WIPF1: variants seen among roughly 807,000 people sequenced by gnomAD.
WIPF1 encodes the protein WAS/WASL interacting protein family member 1, also known as WAS/WASL-interacting protein family member 1.
In WIPF1, 13 loss-of-function variants were observed where a neutral mutation model predicts 35.4. The observed-to-expected ratio is 0.37, with a 90% CI of 0.24 to 0.58. WIPF1 has a LOEUF of 0.58. WIPF1 is among the 20% of genes least tolerant of loss of function. WIPF1 has a pLI of 0.74. For missense variants in WIPF1, 591 were observed against 667.0 expected (o/e 0.89, Z 1.25); for synonymous variants, 267 against 266.3 (o/e 1.00, Z -0.02).
At chr2:174,585,634 A>G in intron 1 of WIPF1, 23 bp from the exon 2 acceptor site, 2 of 1,491,136 alleles carry the variant, frequency 1.3e-6, no homozygotes, top group Non-Finnish European at 1.9e-6. Context: ...GAATGCGATC[A>G]TGTATTAGAT....
rs956023762 is a variant in WIPF1, at chr2:174,575,266, C to G, written c.296G>C (p.Gly99Ala). ...GGSFGGGGPPGLGGLFQAGMP... is the reference protein window; with the variant it reads ...GGSFGGGGPPALGGLFQAGMP... Reference sequence around the variant, plus strand: ...TCCAGCCTGGAACAATCCTCCCAGACCTGGAGGTCCGCCCCCTCCAAAACT... The same window carrying G: ...TCCAGCCTGGAACAATCCTCCCAGAGCTGGAGGTCCGCCCCCTCCAAAACT... The change falls in exon 4 of 8, where the codon GGT (glycine) becomes GCT (alanine). Residue 99 changes from glycine to alanine, a missense_variant. Coordinates refer to ENST00000679041, the MANE Select transcript of WIPF1 (RefSeq NM_001375834.1). 6.2e-7 allele frequency: 1 copy of G among 1,614,020 alleles called. No homozygotes were observed. The highest frequency in any genetic ancestry group is 8.5e-7 in the Non-Finnish European group (1 of 1,179,980).
chr2:174,657,472 G>A (rs964815884), intron 1 of WIPF1, among the ~76,000 whole-genome samples: 3 of 152,196 alleles, frequency 2.0e-5, no homozygotes, highest in African/African-American at 4.8e-5. Context: ...TCAGCTCCCA[G>A]GGTTTTCAAA....
intron 2 of WIPF1, among the ~76,000 whole-genome samples, chr2:174,584,051 C>T (rs138239740): frequency 0.012 from 1,783 of 152,296 alleles, 14 homozygotes; most frequent in Non-Finnish European, 0.018. Context: ...TGGTCTCGAA[C>T]TCCTGGGCTC....
intron 3 of WIPF1, 86 bp downstream of exon 3, chr2:174,581,224 A>G (rs1218453459): frequency 1.3e-6 from 2 of 1,521,778 alleles, no homozygotes; most frequent in Non-Finnish European, 1.8e-6. Flanking sequence ...AAAATAAAAT[A>G]AAATAAAAAT....
At chr2:174,608,493 T>A (rs1391465613) in intron 1 of WIPF1, among the ~76,000 whole-genome samples, 1 of 152,200 alleles carries the variant, frequency 6.6e-6, no homozygotes, top group Non-Finnish European at 1.5e-5. Flanking sequence ...GAAAGACCAT[T>A]CATGTTTTTT....
chr2:174,645,033 G>A (rs1285255921), intron 1 of WIPF1, among the ~76,000 whole-genome samples: 1 of 152,160 alleles, frequency 6.6e-6, no homozygotes, highest in African/African-American at 2.4e-5. Context: ...GCCTAGAGTA[G>A]AGGGGAAGGA....
At chr2:174,566,762 T>C (rs1320529372) in intron 7 of WIPF1, 1 of 260,624 alleles carries the variant, frequency 3.8e-6, no homozygotes, top group East Asian at 7.7e-5. Context: ...AAGATGGCTC[T>C]ACTTGTGCTG....
intron 1 of WIPF1, among the ~76,000 whole-genome samples, chr2:174,674,618 C>T (rs1688090343): frequency 6.6e-6 from 1 of 151,664 alleles, no homozygotes; most frequent in Admixed American, 6.6e-5. Flanking sequence ...TAAGAAATTA[C>T]AAAATTAAGC....
chr2:174,599,715 A>G (rs1685931597), upstream of WIPF1, among the ~76,000 whole-genome samples: 1 of 152,136 alleles, frequency 6.6e-6, no homozygotes, highest in African/African-American at 2.4e-5. Context: ...AACATGGGCG[A>G]TATGACAATT....
intron 1 of WIPF1, among the ~76,000 whole-genome samples, chr2:174,629,285 T>C (rs778397213): frequency 1.3e-5 from 2 of 152,190 alleles, no homozygotes; most frequent in Non-Finnish European, 2.9e-5. Context: ...ATAAAAAACA[T>C]TGTTATTTTC....
intron 7 of WIPF1, chr2:174,566,681 C>T (rs10439297): frequency 0.26 from 43,298 of 166,724 alleles, 6,352 homozygotes; most frequent in Non-Finnish European, 0.33. Context: ...TTTAAAAGAT[C>T]AAGGCAGTTA....
At chr2:174,621,982 C>T (rs976622533) in intron 1 of WIPF1, among the ~76,000 whole-genome samples, 1 of 152,166 alleles carries the variant, frequency 6.6e-6, no homozygotes, top group African/African-American at 2.4e-5. Context: ...GCCCGCTGGG[C>T]CCTCCAAATC....
chr2:174,608,970 C>T (rs1356095785), intron 1 of WIPF1, among the ~76,000 whole-genome samples: 2 of 152,214 alleles, frequency 1.3e-5, no homozygotes, highest in Non-Finnish European at 2.9e-5. Flanking sequence ...CACCACCCAT[C>T]TGAACACTGT....
At chr2:174,680,050 A>G (rs1559181270) in intron 1 of WIPF1, among the ~76,000 whole-genome samples, 1 of 152,260 alleles carries the variant, frequency 6.6e-6, no homozygotes, top group Non-Finnish European at 1.5e-5. Context: ...GCCTCCATCC[A>G]GCTGGACTCC....
chr2:174,605,210 G>A (rs931943581), intron 1 of WIPF1, among the ~76,000 whole-genome samples: 6 of 152,140 alleles, frequency 3.9e-5, no homozygotes, highest in African/African-American at 9.7e-5. Context: ...AGAGGCAGGC[G>A]GATCACAATA....
intron 1 of WIPF1, among the ~76,000 whole-genome samples, chr2:174,668,332 C>G (rs574013552): frequency 6.6e-6 from 1 of 152,278 alleles, no homozygotes; most frequent in East Asian, 1.9e-4. Flanking sequence ...CTGCGAAACG[C>G]AAGGTTGGGC....
intron 7 of WIPF1, chr2:174,566,661 TTACAA>T (rs1286519623): frequency 6.2e-6 from 1 of 160,986 alleles, no homozygotes; most frequent in East Asian, 1.8e-4. Context: ...AAAGCTATGA[TTACAA>T]TACGTTTAAA....
chr2:174,569,195 T>C (rs1374995160), intron 5 of WIPF1, among the ~76,000 whole-genome samples: 1 of 152,170 alleles, frequency 6.6e-6, no homozygotes, highest in Non-Finnish European at 1.5e-5. Flanking sequence ...AGAATCCAAT[T>C]AGGAACCTTA....
intron 1 of WIPF1, among the ~76,000 whole-genome samples, chr2:174,606,941 G>C (rs1349221998): frequency 1.3e-5 from 2 of 152,160 alleles, no homozygotes; most frequent in African/African-American, 4.8e-5. Context: ...AAGGTCGAGG[G>C]GCCACATCTG....
Sources: gnomAD v4.1 joint callset for allele counts (sites outside exome capture counted in the v4.1 genomes callset) on GRCh38, gnomAD v4.1.1 for gene constraint, MANE v1.5 for transcripts, NCBI Gene and HGNC (gene_info 2026-07-23, HGNC 2026-07-21) for gene names.